Variants in EEPD1 observed in about 807,000 individuals in gnomAD.
The protein encoded by EEPD1 is endonuclease/exonuclease/phosphatase family domain-containing protein 1.
In EEPD1, 17 loss-of-function variants were observed where a neutral mutation model predicts 46.3. That is an observed-to-expected ratio of 0.37 (90% CI 0.25 to 0.55). The LOEUF (loss-of-function observed/expected upper bound fraction) is 0.55. Ranked by LOEUF, EEPD1 falls within the 20% of genes least tolerant of loss-of-function variation. The pLI, the probability that EEPD1 is intolerant of heterozygous loss-of-function variation, is 0.83. For missense variants in EEPD1, 673 were observed against 745.6 expected (o/e 0.90, Z 1.13); for synonymous variants, 313 against 315.6 (o/e 0.99, Z 0.09).
At chr7:36,226,941 C>G (rs963630737) in intron 2 of EEPD1, among the ~76,000 whole-genome samples, 1 of 151,828 alleles carries the variant, frequency 6.6e-6, no homozygotes, top group Non-Finnish European at 1.5e-5. Context: ...AAATGTGAAC[C>G]TTAATTAGAA....
chr7:36,235,310 C>T (rs887558655), intron 2 of EEPD1, among the ~76,000 whole-genome samples: 1 of 152,246 alleles, frequency 6.6e-6, no homozygotes, highest in African/African-American at 2.4e-5. Context: ...AAAATACCTC[C>T]CCTGTCAACC....
At position 36,225,714 on chromosome 7, in the gene EEPD1, C is replaced by T. The variant is rs955611209; in HGVS notation, c.879-13271C>T. On this transcript the variant is annotated intron_variant, in intron 2 of 7. Coordinates refer to ENST00000242108, the MANE Select transcript of EEPD1 (RefSeq NM_030636.3). The surrounding 1 kb of genome is among the most constrained non-coding windows in gnomAD (Gnocchi z 4.2). Reference sequence around the variant, plus strand: ...GGCTCTATTCCCAGGCCCCATAACACCAACCTACGTGTGGAGCCTGAGAAT... The same window carrying T: ...GGCTCTATTCCCAGGCCCCATAACATCAACCTACGTGTGGAGCCTGAGAAT... Among the ~76,000 whole-genome samples the T allele has an allele frequency of 2.0e-5, 3 of 152,094 alleles. No individual in the cohort carries two copies. Among genetic ancestry groups the T allele is most frequent in the Non-Finnish European group, 4.4e-5 (3 of 68,026 alleles).
intron 2 of EEPD1, among the ~76,000 whole-genome samples, chr7:36,177,268 C>A (rs148636412): frequency 1.5e-4 from 22 of 150,312 alleles, no homozygotes; most frequent in African/African-American, 4.9e-4. Context: ...AAATGTTTTG[C>A]AATTTCAACT....
At position 36,185,154 on chromosome 7, in the gene EEPD1, C is replaced by T. The variant is rs886664316; in HGVS notation, c.878+29952C>T. Reference sequence around the variant, plus strand: ...AGCTACTTGCTGGAAATTTGTGTTCCCCATTCCATTGCTTTTCTGGAAAGT... The same window carrying T: ...AGCTACTTGCTGGAAATTTGTGTTCTCCATTCCATTGCTTTTCTGGAAAGT... On this transcript the variant is annotated intron_variant, in intron 2 of 7. Coordinates refer to ENST00000242108, the MANE Select transcript of EEPD1 (RefSeq NM_030636.3). 3.9e-5 allele frequency among the ~76,000 whole-genome samples: 6 copies of T among 152,342 alleles called. No homozygotes were observed. The South Asian group carries it at 1.2e-3, about 32-fold the overall frequency.
intron 2 of EEPD1, among the ~76,000 whole-genome samples, chr7:36,201,709 A>G (rs1004939812): frequency 3.9e-5 from 6 of 151,974 alleles, no homozygotes; most frequent in Non-Finnish European, 8.8e-5. Flanking sequence ...CTTTCCCCTG[A>G]CCTGTCCCTT....
chr7:36,236,272 G>T (rs1786437480), intron 2 of EEPD1, among the ~76,000 whole-genome samples: 1 of 152,218 alleles, frequency 6.6e-6, no homozygotes, highest in Non-Finnish European at 1.5e-5. Flanking sequence ...GGCTCCCTCT[G>T]CTCGCAGGGA....
chr7:36,208,201 G>A (rs778163925), intron 2 of EEPD1, among the ~76,000 whole-genome samples: 37 of 152,300 alleles, frequency 2.4e-4, no homozygotes, highest in Non-Finnish European at 4.1e-4. Context: ...CTGTGTGACT[G>A]GATGGGGGTG....
At chr7:36,269,291 A>G (rs1787067704) in intron 3 of EEPD1, among the ~76,000 whole-genome samples, 2 of 152,194 alleles carry the variant, frequency 1.3e-5, no homozygotes, top group Admixed American at 6.5e-5. Flanking sequence ...GGTGAGGACT[A>G]TTTGTCTTCA....
intron 2 of EEPD1, among the ~76,000 whole-genome samples, chr7:36,191,457 G>T (rs936519929): frequency 1.3e-5 from 2 of 152,208 alleles, no homozygotes; most frequent in African/African-American, 4.8e-5. Flanking sequence ...GGGCAGAGAT[G>T]CTGTGGTAGA....
intron 2 of EEPD1, among the ~76,000 whole-genome samples, chr7:36,179,394 A>T (rs1226999339): frequency 5.9e-5 from 9 of 152,176 alleles, no homozygotes; most frequent in Non-Finnish European, 1.3e-4. Context: ...CAAATGCTAT[A>T]AAGATGGTTG....
Position 36,216,094 on chromosome 7 carries a change from T to C in EEPD1, c.879-22891T>C, listed in dbSNP as rs940098239. 3.9e-5 allele frequency among the ~76,000 whole-genome samples: 6 copies of C among 152,232 alleles called. No homozygotes were observed. In the South Asian group the frequency reaches 6.2e-4, roughly 16 times the overall value. On this transcript the variant is annotated intron_variant, in intron 2 of 7. Transcript: ENST00000242108. ...CATATAAAACCTTTGGGGCAAAATA[T>C]TGATAGTAGTTAGATTTGGGAATCT...
At chr7:36,285,193 A>G (rs1254931578) in intron 5 of EEPD1, among the ~76,000 whole-genome samples, 2 of 152,126 alleles carry the variant, frequency 1.3e-5, no homozygotes, top group African/African-American at 4.8e-5. Flanking sequence ...CGGATGGCCT[A>G]CTTTCCAAAA....
intron 3 of EEPD1, among the ~76,000 whole-genome samples, chr7:36,246,796 A>T (rs1464714183): frequency 6.6e-6 from 1 of 152,136 alleles, no homozygotes; most frequent in African/African-American, 2.4e-5. Context: ...TGTGTGACAG[A>T]GTATGTGCAT....
intron 3 of EEPD1, among the ~76,000 whole-genome samples, chr7:36,254,740 T>A (rs1181153004): frequency 6.6e-6 from 1 of 152,206 alleles, no homozygotes; most frequent in Non-Finnish European, 1.5e-5. Context: ...TTAACTAGTT[T>A]ACGCTCCCAT....
intron 2 of EEPD1, among the ~76,000 whole-genome samples, chr7:36,157,804 G>A (rs1256189092): frequency 6.6e-6 from 1 of 152,084 alleles, no homozygotes; most frequent in Non-Finnish European, 1.5e-5. Context: ...ACTGTCCTAG[G>A]GTATCAAAAG....
chr7:36,204,273 C>T (rs541454769), intron 2 of EEPD1, among the ~76,000 whole-genome samples: 7 of 152,142 alleles, frequency 4.6e-5, no homozygotes, highest in Admixed American at 2.0e-4. Flanking sequence ...TGGCCTCAAG[C>T]GATCCTCCCA....
intron 7 of EEPD1, among the ~76,000 whole-genome samples, chr7:36,297,910 G>A (rs1186438704): frequency 6.6e-6 from 1 of 152,184 alleles, no homozygotes. Context: ...GACATTTTGC[G>A]AAGCCCCACG....
At chr7:36,233,871 T>G (rs1356311151) in intron 2 of EEPD1, among the ~76,000 whole-genome samples, 1 of 152,154 alleles carries the variant, frequency 6.6e-6, no homozygotes, top group African/African-American at 2.4e-5. Context: ...CCTGGATGTT[T>G]GCTAATTTGT....
At chr7:36,164,997 A>G (rs1723717101) in intron 2 of EEPD1, among the ~76,000 whole-genome samples, 1 of 152,222 alleles carries the variant, frequency 6.6e-6, no homozygotes, top group Non-Finnish European at 1.5e-5. Flanking sequence ...AAAAGTTTAT[A>G]AAGTCAAAAT....
Sources: gnomAD v4.1 joint callset for allele counts (sites outside exome capture counted in the v4.1 genomes callset) on GRCh38, gnomAD v4.1.1 for gene constraint, Gnocchi (gnomAD v3.1) non-coding constraint, MANE v1.5 for transcripts, NCBI Gene and HGNC (gene_info 2026-07-23, HGNC 2026-07-21) for gene names.